Variants in AKAP13 observed in about 807,000 individuals in gnomAD.
AKAP13 encodes A-kinase anchoring protein 13.
In AKAP13, 80 loss-of-function variants were observed where a neutral mutation model predicts 264.5. The ratio of observed to expected loss-of-function variants is 0.30; its 90% CI spans 0.25 to 0.36. The LOEUF (loss-of-function observed/expected upper bound fraction) is 0.36. AKAP13 is among the 10% of genes least tolerant of loss of function. The pLI is 1.00. For missense variants in AKAP13, 3,712 were observed against 3,435.2 expected, an observed-to-expected ratio of 1.08 and a Z score of -2.01; for synonymous variants, 1,380 against 1,250.2, an observed-to-expected ratio of 1.10 and a Z score of -2.19.
chr15:85,384,074 A>G (rs1362275040), intron 1 of AKAP13, among the ~76,000 whole-genome samples: 2 of 152,262 alleles, frequency 1.3e-5, no homozygotes, highest in African/African-American at 4.8e-5. Context: ...TGTTAAGGAC[A>G]TTTCTTTAGA....
At chr15:85,614,094 T>C (rs2080831723) in intron 8 of AKAP13, among the ~76,000 whole-genome samples, 1 of 152,120 alleles carries the variant, frequency 6.6e-6, no homozygotes, top group Non-Finnish European at 1.5e-5. Context: ...AGAAAACCAA[T>C]TTGATCTTAG....
At chr15:85,656,177 A>C (rs1326697659) in intron 11 of AKAP13, among the ~76,000 whole-genome samples, 1 of 152,244 alleles carries the variant, frequency 6.6e-6, no homozygotes, top group Non-Finnish European at 1.5e-5. Flanking sequence ...TTAAGAAACA[A>C]ACATGAAGTC....
chr15:85,670,244 A>G (rs1042244061), intron 14 of AKAP13, among the ~76,000 whole-genome samples: 1 of 151,952 alleles, frequency 6.6e-6, no homozygotes, highest in Non-Finnish European at 1.5e-5. Flanking sequence ...CCCTCTCTTT[A>G]TCACTCCCCT....
intron 1 of AKAP13, among the ~76,000 whole-genome samples, chr15:85,386,693 G>C (rs2070580062): frequency 6.6e-6 from 1 of 151,190 alleles, no homozygotes; most frequent in Admixed American, 6.6e-5. Flanking sequence ...ATTTTTTTGT[G>C]GATGGATTTA....
intron 6 of AKAP13, among the ~76,000 whole-genome samples, chr15:85,576,316 G>A (rs2079012016): frequency 6.6e-6 from 1 of 152,054 alleles, no homozygotes; most frequent in South Asian, 2.1e-4. Context: ...AACTATTTTA[G>A]TGGCGATGAT....
chr15:85,479,411 A>ACTGT (rs2075283113), intron 1 of AKAP13, among the ~76,000 whole-genome samples: 1 of 152,138 alleles, frequency 6.6e-6, no homozygotes, highest in African/African-American at 2.4e-5. Flanking sequence ...TGAAGGATTG[A>ACTGT]CTGTAGCCCA....
intron 2 of AKAP13, among the ~76,000 whole-genome samples, chr15:85,503,287 G>A (rs1484941543): frequency 6.6e-6 from 1 of 152,158 alleles, no homozygotes; most frequent in Non-Finnish European, 1.5e-5. Flanking sequence ...CAGGGAATTT[G>A]AGGTAGCTCC....
chr15:85,618,130 G>A lies in AKAP13; in HGVS notation c.4162-21244G>A, dbSNP rs76124885. On this transcript the variant is annotated intron_variant, in intron 8 of 36. Transcript: ENST00000394518. ...TTCAGAATAAAGCCTGTATGTAGCT[G>A]GGGTGTATTAATAGAAAGTTGAGGA... is the stretch of plus-strand genomic sequence containing the variant. Among the ~76,000 whole-genome samples the A allele has an allele frequency of 5.4e-3, 826 of 152,284 alleles. 9 individuals are homozygous for A. The highest frequency in any genetic ancestry group is 0.016 in the African/African-American group (651 of 41,550).
chr15:85,607,010 A>G (rs1004918216), intron 8 of AKAP13, among the ~76,000 whole-genome samples: 1 of 151,516 alleles, frequency 6.6e-6, no homozygotes, highest in Admixed American at 6.6e-5. Context: ...AAATCTATAA[A>G]TATCTGTCGT....
chr15:85,685,934 A>T (rs978083577), intron 16 of AKAP13, among the ~76,000 whole-genome samples: 4 of 152,176 alleles, frequency 2.6e-5, no homozygotes, highest in African/African-American at 4.8e-5. Flanking sequence ...AATCTTTTTT[A>T]AAAATGTATT....
intron 1 of AKAP13, among the ~76,000 whole-genome samples, chr15:85,447,696 T>C (rs2073949052): frequency 6.6e-6 from 1 of 152,226 alleles, no homozygotes; most frequent in Non-Finnish European, 1.5e-5. Context: ...AGAGAAGACA[T>C]GATCTCATTC....
chr15:85,741,149 A>AGGAGAAGCAGCGCAGCCT lies in AKAP13; in HGVS notation c.7726_7743dup (p.Ser2576_Arg2581dup), dbSNP rs754774367. 9.9e-6 allele frequency: 16 copies of AGGAGAAGCAGCGCAGCCT among 1,613,358 alleles called. No homozygotes were observed. Among genetic ancestry groups the AGGAGAAGCAGCGCAGCCT allele is most frequent in the Non-Finnish European group, 1.4e-5 (16 of 1,179,764 alleles). ...TCCCGCCCGAGCTCCCTCATTGAGC[A>AGGAGAAGCAGCGCAGCCT]GGAGAAGCAGCGCAGCCTGGAGAAG... On this transcript the variant is annotated inframe_insertion, in exon 35 of 37. Transcript: ENST00000394518.
chr15:85,419,230 T>C (rs1186974088), intron 1 of AKAP13, among the ~76,000 whole-genome samples: 3 of 152,266 alleles, frequency 2.0e-5, no homozygotes, highest in Non-Finnish European at 4.4e-5. Flanking sequence ...AACTTCTTTG[T>C]ATGCATTAAA....
At chr15:85,636,275 T>C (rs2082068477) in intron 8 of AKAP13, among the ~76,000 whole-genome samples, 1 of 152,232 alleles carries the variant, frequency 6.6e-6, no homozygotes, top group South Asian at 2.1e-4. Context: ...TAATACATTA[T>C]TTATTCCAGT....
chr15:85,619,678 G>A (rs770054452), intron 8 of AKAP13: 1 of 989,748 alleles, frequency 1.0e-6, no homozygotes, highest in Non-Finnish European at 1.2e-6. Context: ...GCCTTCTTGG[G>A]TTTTTTTCCC....
intron 1 of AKAP13, among the ~76,000 whole-genome samples, chr15:85,390,685 G>A (rs1236577838): frequency 6.6e-6 from 1 of 152,084 alleles, no homozygotes; most frequent in African/African-American, 2.4e-5. Flanking sequence ...ATGGTGGCTT[G>A]GATTAGGGTG....
At chr15:85,741,726 A>C (rs2088996711) in intron 35 of AKAP13, among the ~76,000 whole-genome samples, 1 of 104,362 alleles carries the variant, frequency 9.6e-6, no homozygotes, top group Non-Finnish European at 1.8e-5. Flanking sequence ...ACAAACAAAC[A>C]AACAAAAAAA....
At position 85,664,695 on chromosome 15, in the gene AKAP13, G is replaced by T; in HGVS notation, c.4932G>T (p.Val1644=). The change falls in exon 13 of 37, where the codon GTG becomes GTT. Residue 1644 remains valine, a synonymous_variant. Coordinates refer to ENST00000394518, the MANE Select transcript of AKAP13 (RefSeq NM_007200.5). ...FSGEERVDSL[V]SLSEEDLESD... is the part of the protein sequence containing the mutation. ...GTGAGGAACGGGTTGACTCTTTGGTGTCACTTTCAGAAGAGGATCTGGAGT... is the reference window on the plus strand; with the variant it reads ...GTGAGGAACGGGTTGACTCTTTGGTTTCACTTTCAGAAGAGGATCTGGAGT... 6.2e-7 allele frequency: 1 copy of T among 1,614,102 alleles called. No homozygotes were observed. The highest frequency in any genetic ancestry group is 8.5e-7 in the Non-Finnish European group (1 of 1,179,972).
chr15:85,683,108 A>G (rs1247970660), intron 15 of AKAP13, among the ~76,000 whole-genome samples: 1 of 152,208 alleles, frequency 6.6e-6, no homozygotes, highest in East Asian at 1.9e-4. Flanking sequence ...TCTTTTTCAC[A>G]GAGGCATCAG....
Sources: gnomAD v4.1 joint callset for allele counts (sites outside exome capture counted in the v4.1 genomes callset) on GRCh38, gnomAD v4.1.1 for gene constraint, MANE v1.5 for transcripts, NCBI Gene and HGNC (gene_info 2026-07-23, HGNC 2026-07-21) for gene names.